ERBB4: variants seen among roughly 807,000 people sequenced by gnomAD.
ERBB4 encodes erb-b2 receptor tyrosine kinase 4.
ERBB4 carries 42 observed loss-of-function variants against 158.0 expected under a neutral mutation model. That is an observed-to-expected ratio of 0.27 (90% confidence interval 0.21 to 0.34). The LOEUF (loss-of-function observed/expected upper bound fraction) is 0.34, where lower values mean the gene tolerates loss of function less well. ERBB4 is among the 10% of genes least tolerant of loss of function. The pLI is 1.00. For missense variants in ERBB4, 1,333 were observed against 1,624.1 expected (o/e 0.82, Z 3.08); for synonymous variants, 583 against 558.7 (o/e 1.04, Z -0.61).
intron 3 of ERBB4, among the ~76,000 whole-genome samples, chr2:211,861,671 A>G (rs1369172857): frequency 7.9e-5 from 12 of 152,182 alleles, no homozygotes. Context: ...GTCTTGGGTT[A>G]TCTTTAAGAA....
chr2:211,977,645 T>A (rs188637759), intron 2 of ERBB4, among the ~76,000 whole-genome samples: 2 of 150,714 alleles, frequency 1.3e-5, no homozygotes, highest in Non-Finnish European at 1.5e-5. Flanking sequence ...GAGACCAGCC[T>A]GGCCAAAATG....
intron 2 of ERBB4, among the ~76,000 whole-genome samples, chr2:211,978,368 G>A (rs1391316635): frequency 9.1e-6 from 1 of 109,956 alleles, no homozygotes; most frequent in African/African-American, 3.7e-5. Context: ...GTCTGAGTCT[G>A]TCTGTCTGTC....
At position 211,377,355 on chromosome 2, in the gene ERBB4, T is replaced by C. The variant is rs955245743; in HGVS notation, c.*6260A>G. 17 of 233,130 alleles carry C rather than the reference T, an allele frequency of 7.3e-5. No individual in the cohort carries two copies. Among genetic ancestry groups the C allele is most frequent in the African/African-American group, 2.9e-4 (13 of 45,326 alleles). 14.4% of individuals were successfully genotyped at this position (233,130 alleles called of 1,614,324 possible). On this transcript the variant is annotated 3_prime_UTR_variant, in exon 28 of 28. Coordinates refer to ENST00000342788, the MANE Select transcript of ERBB4 (RefSeq NM_005235.3). ...AAAGTGGTTTGGACAAGTTAGACTA[T>C]TGCCTACAGGTATGAATCTTTGTTT...
rs149971456 is a variant in ERBB4 at position 211,584,471 on chromosome 2, C to A, written c.2302-22383G>T. Among the ~76,000 whole-genome samples the A allele has an allele frequency of 1.8e-4, 28 of 152,114 alleles. No individual in the cohort carries two copies. The East Asian group carries it at 5.4e-3, about 29-fold the overall frequency. On this transcript the variant is annotated intron_variant, in intron 19 of 27. Transcript: ENST00000342788. ...CATTTTTCAATCCAGATGTATAAGA[C>A]CCCACAGTGTGTAATGGAGCAACTT...
chr2:211,869,912 T>A (rs1012422387), intron 3 of ERBB4, among the ~76,000 whole-genome samples: 3 of 152,194 alleles, frequency 2.0e-5, no homozygotes, highest in Non-Finnish European at 2.9e-5. Context: ...TGGATGCAAA[T>A]GACTTACCTG....
At chr2:211,663,447 G>A (rs897873994) in intron 15 of ERBB4, among the ~76,000 whole-genome samples, 10 of 152,020 alleles carry the variant, frequency 6.6e-5, no homozygotes, top group African/African-American at 2.4e-4. Flanking sequence ...TCTTTTTTCT[G>A]TTCACTTGGA....
intron 2 of ERBB4, among the ~76,000 whole-genome samples, chr2:211,959,396 A>C (rs1379248651): frequency 6.6e-6 from 1 of 152,126 alleles, no homozygotes; most frequent in Admixed American, 6.6e-5. Flanking sequence ...TTTAAGAGTA[A>C]ACCATTTGTT....
At chr2:211,621,617 T>G (rs2069606279) in intron 18 of ERBB4, among the ~76,000 whole-genome samples, 1 of 152,344 alleles carries the variant, frequency 6.6e-6, no homozygotes, top group East Asian at 1.9e-4. Context: ...GTGTTTAGTC[T>G]TGAGTTATAG....
At chr2:212,508,908 T>C (rs1056977130) in intron 1 of ERBB4, among the ~76,000 whole-genome samples, 6 of 152,146 alleles carry the variant, frequency 3.9e-5, no homozygotes, top group African/African-American at 1.4e-4. Flanking sequence ...ATTTCAATAA[T>C]TGATTACTTC....
intron 2 of ERBB4, among the ~76,000 whole-genome samples, chr2:212,123,337 A>G (rs185624406): frequency 7.2e-5 from 11 of 152,220 alleles, no homozygotes; most frequent in African/African-American, 2.7e-4. Context: ...CGTGAGGCGG[A>G]GGTTGCAATG....
chr2:211,561,685 C>T lies in ERBB4; in HGVS notation c.2487+218G>A. The T allele has an allele frequency of 5.5e-6, 3 of 547,216 alleles. No homozygotes were observed. The South Asian group carries it at 6.1e-5, about 11-fold the overall frequency. The allele number at this position is 547,216 out of a possible 1,614,324, so 33.9% of individuals were successfully genotyped here. A position where few individuals can be genotyped will look rare whatever the true frequency, so the allele number is the denominator to read the frequency against. On this transcript the variant is annotated intron_variant, in intron 20 of 27. Transcript: ENST00000342788. ...TATTTGTTTTGGCACCTAGTCAATT[C>T]AATAAAAATGATACAACACAATAAT...
At chr2:212,299,674 A>G (rs1419709030) in intron 1 of ERBB4, among the ~76,000 whole-genome samples, 1 of 151,634 alleles carries the variant, frequency 6.6e-6, no homozygotes, top group Non-Finnish European at 1.5e-5. Context: ...CCAGCATGGT[A>G]TCACCATCTT....
chr2:211,419,142 C>G (rs1198811946), intron 25 of ERBB4, among the ~76,000 whole-genome samples: 1 of 152,026 alleles, frequency 6.6e-6, no homozygotes, highest in East Asian at 1.9e-4. Flanking sequence ...AACTTTGAAG[C>G]AAACCTACAG....
At chr2:211,742,130 C>T (rs2074821430) in intron 5 of ERBB4, among the ~76,000 whole-genome samples, 1 of 152,194 alleles carries the variant, frequency 6.6e-6, no homozygotes, top group Non-Finnish European at 1.5e-5. Context: ...CAAAGACTCG[C>T]TGTTATCCTG....
rs540689139 is a variant in ERBB4, at chr2:212,491,305, T to TAGACTC, written c.82+47138_82+47143dup. On this transcript the variant is annotated intron_variant, in intron 1 of 27. Coordinates refer to ENST00000342788, the MANE Select transcript of ERBB4 (RefSeq NM_005235.3). ...AATAATAAGAATTCATTTTGTTTCC[T>TAGACTC]AGACTCACTTTATTTCATTAATATT... Among the ~76,000 whole-genome samples the TAGACTC allele has an allele frequency of 2.0e-3, 298 of 151,836 alleles. 1 individual carries two copies. Among genetic ancestry groups the TAGACTC allele is most frequent in the Middle Eastern group, 6.8e-3 (2 of 294 alleles).
chr2:211,744,388 A>C lies in ERBB4; in HGVS notation c.622+6251T>G, dbSNP rs1157038362. Among the ~76,000 whole-genome samples, 5 of 152,222 alleles carry C rather than the reference A, an allele frequency of 3.3e-5. No individual in the cohort carries two copies. In the South Asian group the frequency reaches 1.0e-3, roughly 32 times the overall value. On this transcript the variant is annotated intron_variant, in intron 5 of 27. Transcript: ENST00000342788. Reference sequence around the variant, plus strand: ...GCATAGCCAACTGTTGTTCGTAGTAAGTTGTCGGTTTGTTCACATTCTTCT... The same window carrying C: ...GCATAGCCAACTGTTGTTCGTAGTACGTTGTCGGTTTGTTCACATTCTTCT...
intron 1 of ERBB4, among the ~76,000 whole-genome samples, chr2:212,385,982 A>G (rs901807858): frequency 7.9e-5 from 12 of 151,782 alleles, no homozygotes; most frequent in African/African-American, 2.9e-4. Context: ...CCCATTTTCC[A>G]TATTTGCCAA....
intron 22 of ERBB4, among the ~76,000 whole-genome samples, chr2:211,424,595 C>T (rs1211934112): frequency 6.6e-6 from 1 of 152,030 alleles, no homozygotes; most frequent in Non-Finnish European, 1.5e-5. Context: ...ATAGGTAACA[C>T]TAATGTTTGC....
At chr2:212,300,544 C>CA (rs2086581682) in intron 1 of ERBB4, among the ~76,000 whole-genome samples, 1 of 151,276 alleles carries the variant, frequency 6.6e-6, no homozygotes, top group African/African-American at 2.4e-5. Context: ...TCCCAGCCTA[C>CA]AAAAAATATC....
Sources: gnomAD v4.1 joint callset for allele counts (sites outside exome capture counted in the v4.1 genomes callset) on GRCh38, gnomAD v4.1.1 for gene constraint, MANE v1.5 for transcripts, NCBI Gene and HGNC (gene_info 2026-07-23, HGNC 2026-07-21) for gene names.